The following ASIP variants were observed in gnomAD, a reference collection of about 807,000 sequenced individuals.
ASIP encodes the protein agouti-signaling protein.
Under a neutral mutation model 10.3 loss-of-function variants are expected in ASIP, and 11 were observed. The ratio of observed to expected loss-of-function variants is 1.07; its 90% CI spans 0.68 to 1.78. The LOEUF (loss-of-function observed/expected upper bound fraction) is 1.78, where lower values mean the gene tolerates loss of function less well. Among genes scored for constraint, ASIP ranks in the 40% most tolerant of loss-of-function variants. The pLI is 0.00. For missense variants in ASIP, 180 were observed against 169.2 expected, an observed-to-expected ratio of 1.06 and a Z score of -0.35; for synonymous variants, 70 against 70.8, an observed-to-expected ratio of 0.99 and a Z score of 0.06.
chr20:34,237,543 GT>G (rs2122596171), upstream of ASIP, among the ~76,000 whole-genome samples: 1 of 152,290 alleles, frequency 6.6e-6, no homozygotes, highest in African/African-American at 2.4e-5. Flanking sequence ...AGTTCTAACA[GT>G]GTTTTGTGGA....
intron 1 of ASIP, among the ~76,000 whole-genome samples, chr20:34,197,326 A>C (rs2034864851): frequency 6.6e-6 from 1 of 152,108 alleles, no homozygotes; most frequent in African/African-American, 2.4e-5. Context: ...GTGCCACTGC[A>C]CTCTAGCCTG....
intron 1 of ASIP, among the ~76,000 whole-genome samples, chr20:34,235,858 AAGGAAGGAAAGGAAGG>A (rs1209279977): frequency 5.6e-5 from 2 of 35,436 alleles, no homozygotes; most frequent in Non-Finnish European, 8.7e-5. Flanking sequence ...GGAAGGAAGG[AAGGAAGGAAAGGAAGG>A]AAGGAAGGAA....
In ASIP at chr20:34,226,753, A is replaced by AT. The variant is rs969321969; in HGVS notation, c.-11+32002dup. Among the ~76,000 whole-genome samples the AT allele has an allele frequency of 5.9e-5, 9 of 151,680 alleles. No homozygotes were observed. In the South Asian group the frequency reaches 6.3e-4, roughly 11 times the overall value. ...AATCTACAGCTAACTTACATACTTA[A>AT]TTTTTTTTTATGTTTTATAGAGATG... is the stretch of plus-strand genomic sequence containing the variant. On this transcript the variant is annotated intron_variant, in intron 1 of 3. Transcript: ENST00000568305.
intron 1 of ASIP, chr20:34,194,872 C>T (rs527727505): frequency 6.6e-6 from 1 of 152,292 alleles, no homozygotes; most frequent in Non-Finnish European, 1.5e-5. Context: ...TTCTTCTTCT[C>T]CTCGTTTTCC....
In ASIP at chr20:34,269,014, GGT is replaced by G; in HGVS notation, c.248_249del (p.Val83AlafsTer100). On this transcript the variant is annotated frameshift_variant, in exon 4 of 4. Transcript: ENST00000374954. LOFTEE classifies it high-confidence loss of function. ...SKKEASMKKV[V>X]RPRTPLSAPC... The stretch of plus-strand genomic sequence containing the variant: ...AGAAGGAGGCTTCGATGAAGAAAGT[GGT>G]GCGGCCCCGGACCCCCCTATCTGCG... The G allele has an allele frequency of 6.2e-7, 1 of 1,607,994 alleles. No individual in the cohort carries two copies. Among genetic ancestry groups the G allele is most frequent in the South Asian group, 1.1e-5 (1 of 89,984 alleles).
intron 1 of ASIP, among the ~76,000 whole-genome samples, chr20:34,209,983 C>T (rs1450592893): frequency 6.6e-6 from 1 of 152,174 alleles, no homozygotes; most frequent in African/African-American, 2.4e-5. Context: ...CCATAAGAGC[C>T]CCCAATTCAG....
intron 3 of ASIP, among the ~76,000 whole-genome samples, chr20:34,266,377 T>A (rs999161172): frequency 7.2e-5 from 10 of 139,694 alleles, no homozygotes; most frequent in African/African-American, 2.1e-4. Context: ...AAACAAAAAA[T>A]AAAAGGCAGA....
intron 1 of ASIP, chr20:34,214,509 C>G: frequency 6.6e-7 from 1 of 1,505,402 alleles, no homozygotes; most frequent in African/African-American, 1.4e-5. Flanking sequence ...CCAACATATA[C>G]AGCAATCTTA....
upstream of ASIP, among the ~76,000 whole-genome samples, chr20:34,240,027 C>A (rs2035263509): frequency 6.6e-6 from 1 of 152,178 alleles, no homozygotes; most frequent in South Asian, 2.1e-4. Flanking sequence ...GGCATACACA[C>A]TAACCAGGTG....
At chr20:34,236,009 AGAAAG>A (rs2122592607) in intron 1 of ASIP, among the ~76,000 whole-genome samples, 1 of 107,518 alleles carries the variant, frequency 9.3e-6, no homozygotes, top group Non-Finnish European at 1.7e-5. Flanking sequence ...GGAGAAAGAG[AGAAAG>A]AGAGAGAGAA....
At chr20:34,262,748 C>T (rs2035716205) in intron 2 of ASIP, 84 bp from the exon 3 acceptor site, 1 of 1,506,664 alleles carries the variant, frequency 6.6e-7, no homozygotes, top group African/African-American at 1.4e-5. Flanking sequence ...TGTGACTTCC[C>T]AAGCCCCCTC....
intron 1 of ASIP, among the ~76,000 whole-genome samples, chr20:34,246,813 T>G (rs1304976993): frequency 1.3e-5 from 2 of 152,134 alleles, no homozygotes; most frequent in African/African-American, 4.8e-5. Context: ...CTTTACTGAT[T>G]AACTCCAATT....
chr20:34,262,714 C>T (rs951985228), intron 2 of ASIP, 118 bp from the exon 3 acceptor site: 33 of 1,101,590 alleles, frequency 3.0e-5, no homozygotes, highest in Admixed American at 2.0e-4. Flanking sequence ...TCATCCAGCA[C>T]GCTTCTTCTC....
chr20:34,236,261 T>G (rs2035208912), intron 1 of ASIP, among the ~76,000 whole-genome samples: 2 of 152,114 alleles, frequency 1.3e-5, no homozygotes, highest in South Asian at 4.1e-4. Context: ...TGGCCATGGC[T>G]GGGCGCAGTG....
At position 34,256,987 on chromosome 20, in the gene ASIP, A is replaced by C. The variant is rs568734461; in HGVS notation, c.-10-3378A>C. 4.7e-5 allele frequency among the ~76,000 whole-genome samples: 7 copies of C among 150,234 alleles called. No homozygotes were observed. In the South Asian group the frequency reaches 1.5e-3, roughly 32 times the overall value. ...TCAGAGCTTCCCACCACATTCCACC[A>C]CATCTCCATCCTTTACTTTCCTTGT... On this transcript the variant is annotated intron_variant, in intron 1 of 3. Coordinates refer to ENST00000374954, the MANE Select transcript of ASIP (RefSeq NM_001672.3).
chr20:34,211,149 C>A (rs565667392), intron 1 of ASIP, among the ~76,000 whole-genome samples: 38 of 152,118 alleles, frequency 2.5e-4, no homozygotes, highest in Non-Finnish European at 4.9e-4. Context: ...GCTGCCTCTG[C>A]CTCCCAGGTA....
chr20:34,226,618 T>G (rs1251728337), intron 1 of ASIP, among the ~76,000 whole-genome samples: 1 of 152,164 alleles, frequency 6.6e-6, no homozygotes, highest in Non-Finnish European at 1.5e-5. Flanking sequence ...CCTCCTAAAG[T>G]GCTAGGATTA....
chr20:34,261,364 T>C (rs1198263003), intron 2 of ASIP, among the ~76,000 whole-genome samples: 1 of 152,154 alleles, frequency 6.6e-6, no homozygotes, highest in African/African-American at 2.4e-5. Context: ...GCAAGGCACG[T>C]GGCATGCACC....
In ASIP at chr20:34,245,349, A is replaced by AAG. The variant is rs1023950416; in HGVS notation, c.-11+3870_-11+3871dup. Among the ~76,000 whole-genome samples, 11 of 150,726 alleles carry AAG rather than the reference A, an allele frequency of 7.3e-5. No homozygotes were observed. The East Asian group carries it at 1.2e-3, about 16-fold the overall frequency. ...ACTCTGTCTCAAAAAAAAAAAAAAA[A>AAG]AGAGAGAGAGACAAAGAGAAAGTCA... On this transcript the variant is annotated intron_variant, in intron 1 of 3. Coordinates refer to ENST00000374954, the MANE Select transcript of ASIP (RefSeq NM_001672.3).
Sources: gnomAD v4.1 joint callset for allele counts (sites outside exome capture counted in the v4.1 genomes callset) on GRCh38, gnomAD v4.1.1 for gene constraint, MANE v1.5 for transcripts, NCBI Gene and HGNC (gene_info 2026-07-23, HGNC 2026-07-21) for gene names.